GRIN2B: variants seen among roughly 807,000 people sequenced by gnomAD.
GRIN2B encodes glutamate ionotropic receptor NMDA type subunit 2B.
A neutral mutation model predicts 114.5 loss-of-function variants in GRIN2B; 5 were observed. The ratio of observed to expected loss-of-function variants is 0.04; its 90% CI spans 0.02 to 0.09. The LOEUF (loss-of-function observed/expected upper bound fraction) is 0.09. Ranked by LOEUF, GRIN2B falls within the 10% of genes least tolerant of loss-of-function variation. GRIN2B has a pLI of 1.00. For synonymous variants in GRIN2B, 787 were observed against 745.1 expected, an observed-to-expected ratio of 1.06 and a Z score of -0.92; for missense variants, 1,108 against 1,943.5, an observed-to-expected ratio of 0.57 and a Z score of 8.08.
chr12:13,883,273 A>C lies in GRIN2B; in HGVS notation c.-18-17047T>G, dbSNP rs1007770174. Among the ~76,000 whole-genome samples, 9 of 152,316 alleles carry C rather than the reference A, an allele frequency of 5.9e-5. 1 individual carries two copies. The highest frequency in any genetic ancestry group is 1.2e-4 in the Non-Finnish European group (8 of 68,014). ...TTTGCTTTTCTTAAGTAGGTACCTG[A>C]CAGTGGGATTGCTAAATTATTGGTT... On this transcript the variant is annotated intron_variant, in intron 2 of 13. Transcript: ENST00000609686.
intron 3 of GRIN2B, among the ~76,000 whole-genome samples, chr12:13,785,056 G>C (rs1864199474): frequency 6.6e-6 from 1 of 152,168 alleles, no homozygotes; most frequent in Non-Finnish European, 1.5e-5. Flanking sequence ...TACTAACCTT[G>C]TTTTTAAATG....
At chr12:13,605,551 T>TCTCTCTCTCTCTCTCTCACA in intron 10 of GRIN2B, among the ~76,000 whole-genome samples, 7 of 30,438 alleles carry the variant, frequency 2.3e-4, no homozygotes, top group African/African-American at 7.3e-4. Context: ...TCTCTCTCTC[T>TCTCTCTCTCTCTCTCTCACA]GACACACACA....
intron 2 of GRIN2B, among the ~76,000 whole-genome samples, chr12:13,961,727 G>T (rs927411767): frequency 6.6e-6 from 1 of 152,136 alleles, no homozygotes; most frequent in Non-Finnish European, 1.5e-5. Context: ...AGGGTTGAGA[G>T]CATTTATTTA....
intron 10 of GRIN2B, among the ~76,000 whole-genome samples, chr12:13,573,716 C>T (rs1565458631): frequency 1.3e-5 from 2 of 152,194 alleles, no homozygotes; most frequent in Admixed American, 1.3e-4. Flanking sequence ...CCTGCCAACT[C>T]AGGAGAACTC....
At position 13,838,877 on chromosome 12, in the gene GRIN2B, C is replaced by T. The variant is rs549168913; in HGVS notation, c.411+26921G>A. Among the ~76,000 whole-genome samples the T allele has an allele frequency of 3.3e-5, 5 of 152,298 alleles. No individual in the cohort carries two copies. In the East Asian group the frequency reaches 9.6e-4, roughly 29 times the overall value. Reference sequence around the variant, plus strand: ...GCAAAGCAGCATAAATCTGCCTCTTCCCCTCTTACGTATTATTCCAGGCAC... The same window carrying T: ...GCAAAGCAGCATAAATCTGCCTCTTTCCCTCTTACGTATTATTCCAGGCAC... On this transcript the variant is annotated intron_variant, in intron 3 of 13. Transcript: ENST00000609686.
intron 10 of GRIN2B, among the ~76,000 whole-genome samples, chr12:13,583,763 C>T (rs762178377): frequency 3.9e-5 from 6 of 152,084 alleles, no homozygotes; most frequent in Non-Finnish European, 7.3e-5. Context: ...AAAAGAAGCA[C>T]TGGGACGTGA....
intron 2 of GRIN2B, among the ~76,000 whole-genome samples, chr12:13,941,394 G>A (rs985911263): frequency 6.6e-6 from 1 of 152,124 alleles, no homozygotes; most frequent in African/African-American, 2.4e-5. Flanking sequence ...GGCTGAGGCA[G>A]GTTGCCAAAC....
In GRIN2B at chr12:13,753,259, A is replaced by T; in HGVS notation, c.1010+58T>A. Reference sequence around the variant, plus strand: ...CTGCAGTTTCTGAACTTCCAACCCCAGTCTTTGAAGCTCCCCTCTCATCTC... The same window carrying T: ...CTGCAGTTTCTGAACTTCCAACCCCTGTCTTTGAAGCTCCCCTCTCATCTC... On this transcript the variant is annotated intron_variant, in intron 4 of 13. Coordinates refer to ENST00000609686, the MANE Select transcript of GRIN2B (RefSeq NM_000834.5). The surrounding 1 kb of genome is among the most constrained non-coding windows in gnomAD (Gnocchi z 6.2). 1 of 1,020,542 alleles carries T rather than the reference A, an allele frequency of 9.8e-7. No homozygotes were observed. The allele number at this position is 1,020,542 out of a possible 1,614,324, so 63.2% of individuals were successfully genotyped here. A position where few individuals can be genotyped will look rare whatever the true frequency, so the allele number is the denominator to read the frequency against.
chr12:13,805,084 T>G (rs752728125), intron 3 of GRIN2B, among the ~76,000 whole-genome samples: 4 of 152,206 alleles, frequency 2.6e-5, no homozygotes, highest in African/African-American at 9.6e-5. Flanking sequence ...GAAGTCAATT[T>G]ATTTCATTTT....
chr12:13,810,916 C>G (rs1360672470), intron 3 of GRIN2B, among the ~76,000 whole-genome samples: 1 of 152,216 alleles, frequency 6.6e-6, no homozygotes, highest in Non-Finnish European at 1.5e-5. Flanking sequence ...TAATACATCT[C>G]TACAGATAAC....
At chr12:13,890,122 G>A (rs957675708) in intron 2 of GRIN2B, among the ~76,000 whole-genome samples, 1 of 152,084 alleles carries the variant, frequency 6.6e-6, no homozygotes, top group Non-Finnish European at 1.5e-5. Flanking sequence ...CTGACTATAT[G>A]GCTGGCCTAT....
intron 3 of GRIN2B, among the ~76,000 whole-genome samples, chr12:13,825,009 A>C (rs1865006404): frequency 6.6e-6 from 1 of 152,026 alleles, no homozygotes; most frequent in African/African-American, 2.4e-5. Flanking sequence ...CTAAGGTAGA[A>C]GCTTCAGATC....
intron 2 of GRIN2B, among the ~76,000 whole-genome samples, chr12:13,946,818 G>C (rs538111924): frequency 1.3e-5 from 2 of 152,220 alleles, no homozygotes; most frequent in African/African-American, 4.8e-5. Flanking sequence ...TGTATTATTA[G>C]GACTGTTATC....
chr12:13,972,562 C>T (rs939795012), intron 2 of GRIN2B, among the ~76,000 whole-genome samples: 1 of 152,142 alleles, frequency 6.6e-6, no homozygotes, highest in East Asian at 1.9e-4. Context: ...TGAGCAAATG[C>T]ACACCACTGG....
intron 2 of GRIN2B, among the ~76,000 whole-genome samples, chr12:13,913,002 C>T (rs1481022235): frequency 1.3e-5 from 2 of 152,070 alleles, no homozygotes; most frequent in Non-Finnish European, 2.9e-5. Flanking sequence ...CTCCTTAGTC[C>T]TCCCATCAGA....
At chr12:13,777,039 G>A (rs1286248810) in intron 3 of GRIN2B, among the ~76,000 whole-genome samples, 1 of 152,092 alleles carries the variant, frequency 6.6e-6, no homozygotes, top group East Asian at 1.9e-4. Context: ...AGTTCTCAGA[G>A]CCAAGGGAAT....
chr12:13,703,505 G>A (rs1950330077), intron 4 of GRIN2B, among the ~76,000 whole-genome samples: 1 of 152,058 alleles, frequency 6.6e-6, no homozygotes, highest in South Asian at 2.1e-4. Flanking sequence ...GCATCAATAT[G>A]CAAATACAAC....
At chr12:13,651,199 C>A (rs1250545366) in intron 5 of GRIN2B, among the ~76,000 whole-genome samples, 3 of 152,102 alleles carry the variant, frequency 2.0e-5, no homozygotes, top group African/African-American at 4.8e-5. Context: ...AGGTCTAGTA[C>A]CTCAGGCAGG....
At chr12:13,749,301 C>G (rs564876740) in intron 4 of GRIN2B, among the ~76,000 whole-genome samples, 1 of 152,198 alleles carries the variant, frequency 6.6e-6, no homozygotes, top group African/African-American at 2.4e-5. Flanking sequence ...ACTTTCCCCA[C>G]GTGGAAAGAA....
Sources: allele counts gnomAD v4.1 joint callset (sites outside exome capture counted in the v4.1 genomes callset), GRCh38; gene constraint gnomAD v4.1.1; non-coding constraint Gnocchi (gnomAD v3.1); transcripts MANE v1.5; gene names NCBI Gene and HGNC (gene_info 2026-07-23, HGNC 2026-07-21).